TIAM1: variants seen among roughly 807,000 people sequenced by gnomAD.
The protein encoded by TIAM1 is rho guanine nucleotide exchange factor TIAM1.
A neutral mutation model predicts 163.5 loss-of-function variants in TIAM1; 65 were observed. That is an observed-to-expected ratio of 0.40 (90% CI 0.33 to 0.49). The LOEUF (loss-of-function observed/expected upper bound fraction) is 0.49. TIAM1 is among the 20% of genes least tolerant of loss of function. The pLI is 0.77. For synonymous variants in TIAM1, 833 were observed against 810.1 expected (o/e 1.03, Z -0.48); for missense variants, 1,789 against 2,044.7 (o/e 0.87, Z 2.41).
intron 11 of TIAM1, among the ~76,000 whole-genome samples, chr21:31,208,044 A>T (rs1399348650): frequency 6.6e-6 from 1 of 152,178 alleles, no homozygotes; most frequent in Non-Finnish European, 1.5e-5. Flanking sequence ...GCCATCAGAA[A>T]CCTTTCAGGT....
chr21:31,346,258 T>C (rs1171754480), upstream of TIAM1, among the ~76,000 whole-genome samples: 1 of 152,176 alleles, frequency 6.6e-6, no homozygotes, highest in East Asian at 1.9e-4. Flanking sequence ...ATTAATGTAT[T>C]CCATCTATTC....
chr21:31,399,214 T>C (rs909831962), intron 2 of TIAM1, among the ~76,000 whole-genome samples: 1 of 152,062 alleles, frequency 6.6e-6, no homozygotes, highest in African/African-American at 2.4e-5. Flanking sequence ...CAATGCCCCC[T>C]GAGATATACT....
chr21:31,393,820 T>C (rs1458933569), intron 2 of TIAM1, among the ~76,000 whole-genome samples: 3 of 152,210 alleles, frequency 2.0e-5, no homozygotes, highest in African/African-American at 7.2e-5. Flanking sequence ...TGTTATACTA[T>C]ATAATAACCA....
At chr21:31,441,698 A>C (rs1371963738) in intron 2 of TIAM1, among the ~76,000 whole-genome samples, 5 of 152,076 alleles carry the variant, frequency 3.3e-5, no homozygotes, top group African/African-American at 9.7e-5. Flanking sequence ...AGCAAGTAAG[A>C]TCTGGAGGTC....
At chr21:31,516,821 C>A (rs1431615383) in intron 1 of TIAM1, among the ~76,000 whole-genome samples, 2 of 151,156 alleles carry the variant, frequency 1.3e-5, no homozygotes, top group East Asian at 1.9e-4. Flanking sequence ...TTTGGGAGGC[C>A]GAGGCAGATC....
chr21:31,473,160 G>A (rs1382408825), intron 1 of TIAM1, among the ~76,000 whole-genome samples: 1 of 152,158 alleles, frequency 6.6e-6, no homozygotes, highest in Non-Finnish European at 1.5e-5. Context: ...GCCAGGCACG[G>A]TGGCTCACGC....
At chr21:31,386,961 G>A (rs1453187128) in intron 2 of TIAM1, among the ~76,000 whole-genome samples, 6 of 152,116 alleles carry the variant, frequency 3.9e-5, no homozygotes, top group South Asian at 2.1e-4. Context: ...TATCTGCTCC[G>A]GCATGGCCCC....
chr21:31,347,480 G>A (rs1330286024), upstream of TIAM1, among the ~76,000 whole-genome samples: 1 of 152,228 alleles, frequency 6.6e-6, no homozygotes, highest in Middle Eastern at 3.2e-3. Context: ...TTCTTAACCT[G>A]CAGTTCTGAA....
chr21:31,488,432 A>G (rs2046347730), intron 1 of TIAM1, among the ~76,000 whole-genome samples: 1 of 152,208 alleles, frequency 6.6e-6, no homozygotes, highest in African/African-American at 2.4e-5. Context: ...GTACAGACAG[A>G]AAAAAGAAAA....
At chr21:31,363,829 G>C (rs941412296) in intron 2 of TIAM1, among the ~76,000 whole-genome samples, 2 of 152,112 alleles carry the variant, frequency 1.3e-5, no homozygotes, top group African/African-American at 4.8e-5. Context: ...AACTCTGGTT[G>C]GTTGGGGGGC....
At chr21:31,158,625 CAAATT>C (rs780438598) in intron 16 of TIAM1, among the ~76,000 whole-genome samples, 25 of 152,162 alleles carry the variant, frequency 1.6e-4, no homozygotes, top group South Asian at 8.3e-4. Flanking sequence ...TGCTTGGAAA[CAAATT>C]AAAAGGATGT....
At chr21:31,507,202 T>A (rs1799530007) in intron 1 of TIAM1, among the ~76,000 whole-genome samples, 1 of 104,144 alleles carries the variant, frequency 9.6e-6, no homozygotes, top group Non-Finnish European at 2.0e-5. Flanking sequence ...TTTTTTTTTT[T>A]TTTTTTTTTT....
At chr21:31,386,079 G>A (rs1235501288) in intron 2 of TIAM1, among the ~76,000 whole-genome samples, 2 of 152,080 alleles carry the variant, frequency 1.3e-5, no homozygotes, top group African/African-American at 4.8e-5. Flanking sequence ...GGACGAAGGT[G>A]GTGGCAGATG....
At chr21:31,322,858 G>T (rs1258358148) in intron 2 of TIAM1, among the ~76,000 whole-genome samples, 2 of 152,210 alleles carry the variant, frequency 1.3e-5, no homozygotes, top group Non-Finnish European at 2.9e-5. Flanking sequence ...GGTCACTTCA[G>T]CCAGGCGGGG....
intron 2 of TIAM1, among the ~76,000 whole-genome samples, chr21:31,291,399 G>A (rs1490066821): frequency 6.6e-6 from 1 of 152,168 alleles, no homozygotes; most frequent in African/African-American, 2.4e-5. Context: ...TGCTGATGAT[G>A]GAAGGAGCTC....
chr21:31,516,271 G>A (rs977382226), intron 1 of TIAM1, among the ~76,000 whole-genome samples: 1 of 152,016 alleles, frequency 6.6e-6, no homozygotes, highest in Admixed American at 6.6e-5. Context: ...AATTAGCCGG[G>A]AGTGGTGGCA....
chr21:31,298,566 ATTC>A (rs2074376438), intron 2 of TIAM1, among the ~76,000 whole-genome samples: 1 of 152,142 alleles, frequency 6.6e-6, no homozygotes, highest in South Asian at 2.1e-4. Context: ...CTCATCTGGT[ATTC>A]TTCCCTCTCT....
rs58560437 is a variant in TIAM1 at position 31,315,679 on chromosome 21, C to CAAAAAAAAAAAAAAAA, written c.-189+23548_-189+23563dup. ...GGGCAACAAGAGCAAAACTCCATCTCAAAAAAAAAAAAAAAAAAAAGGACA... is the reference window on the plus strand; with the variant it reads ...GGGCAACAAGAGCAAAACTCCATCTCAAAAAAAAAAAAAAAAAAAAAAAAAAAAAAAAAAAAGGACA... On this transcript the variant is annotated intron_variant, in intron 2 of 27. Transcript: ENST00000541036. Among the ~76,000 whole-genome samples the CAAAAAAAAAAAAAAAA allele has an allele frequency of 4.0e-3, 320 of 80,206 alleles. 2 individuals are homozygous for CAAAAAAAAAAAAAAAA. The highest frequency in any genetic ancestry group is 9.3e-3 in the Middle Eastern group (1 of 108). 52.6% of individuals were successfully genotyped at this position (80,206 alleles called of 152,430 possible).
intron 20 of TIAM1, among the ~76,000 whole-genome samples, chr21:31,142,353 C>T (rs767225054): frequency 8.7e-5 from 13 of 149,964 alleles, no homozygotes; most frequent in Non-Finnish European, 1.8e-4. Flanking sequence ...CACAGTGGCT[C>T]ATGAATGTAA....
Sources: allele counts gnomAD v4.1 joint callset (sites outside exome capture counted in the v4.1 genomes callset), GRCh38; gene constraint gnomAD v4.1.1; transcripts MANE v1.5; gene names NCBI Gene and HGNC (gene_info 2026-07-23, HGNC 2026-07-21).